The following PPIL3 variants were observed in gnomAD, a reference collection of about 807,000 sequenced individuals.
PPIL3 encodes the protein peptidylprolyl isomerase like 3.
A neutral mutation model predicts 20.9 loss-of-function variants in PPIL3; 13 were observed. The observed-to-expected ratio is 0.62, with a 90% CI of 0.40 to 0.99. The LOEUF is 0.99. PPIL3 is among the 50% of genes least tolerant of loss of function. PPIL3 has a pLI of 0.00. For missense variants in PPIL3, 170 were observed against 195.2 expected (o/e 0.87, Z 0.77); for synonymous variants, 71 against 64.4 (o/e 1.10, Z -0.49).
In PPIL3 at chr2:200,880,409, C is replaced by CTTTTTT. The variant is rs779189285; in HGVS notation, c.240+1006_240+1011dup. 1.8e-3 allele frequency among the ~76,000 whole-genome samples: 234 copies of CTTTTTT among 131,870 alleles called. 14 individuals are homozygous for CTTTTTT. The highest frequency in any genetic ancestry group is 5.6e-3 in the African/African-American group (181 of 32,524). 86.5% of individuals were successfully genotyped at this position (131,870 alleles called of 152,430 possible). A position where few individuals can be genotyped will look rare whatever the true frequency, so the allele number is the denominator to read the frequency against. Reference sequence around the variant, plus strand: ...AAACTGCATATTTTGATTGAGTAGACTTTTTTTTTTTTTTGAGTGGGGTCT... The same window carrying CTTTTTT: ...AAACTGCATATTTTGATTGAGTAGACTTTTTTTTTTTTTTTTTTTTGAGTGGGGTCT... On this transcript the variant is annotated intron_variant, in intron 5 of 6. Coordinates refer to ENST00000392283, the MANE Select transcript of PPIL3 (RefSeq NM_130906.3).
intron 3 of PPIL3, among the ~76,000 whole-genome samples, chr2:200,883,773 T>A (rs2039825008): frequency 6.6e-6 from 1 of 152,126 alleles, no homozygotes; most frequent in Non-Finnish European, 1.5e-5. Context: ...GGTTTCTTGT[T>A]TCGTTTTGAG....
chr2:200,875,271 A>G lies in PPIL3; in HGVS notation c.359+1648T>C, dbSNP rs373541438. 1.8e-3 allele frequency among the ~76,000 whole-genome samples: 272 copies of G among 151,484 alleles called. 2 individuals are homozygous for G. Among genetic ancestry groups the G allele is most frequent in the African/African-American group, 6.2e-3 (256 of 40,978 alleles). ...ATTACTAAGTTCTGGGTCTTCTGGG[A>G]AAGTTTTTTTTTTTTGAGACGGAGT... On this transcript the variant is annotated intron_variant, in intron 6 of 6. Transcript: ENST00000392283.
At position 200,887,698 on chromosome 2, in the gene PPIL3, G is replaced by A; in HGVS notation, c.-70-13C>T. 2 of 1,152,534 alleles carry A rather than the reference G, an allele frequency of 1.7e-6. No homozygotes were observed. Among genetic ancestry groups the A allele is most frequent in the Admixed American group, 2.3e-5 (1 of 43,914 alleles). The allele number at this position is 1,152,534 out of a possible 1,614,324, so 71.4% of individuals were successfully genotyped here. A position where few individuals can be genotyped will look rare whatever the true frequency, so the allele number is the denominator to read the frequency against. The stretch of plus-strand genomic sequence containing the variant: ...CAAAAATAAGTCTCTAGTCCCAAAA[G>A]AAAAAAAGAATTAGGCTCATTTTCC... On this transcript the variant is annotated splice_polypyrimidine_tract_variant and intron_variant, in intron 1 of 6. Coordinates refer to ENST00000392283, the MANE Select transcript of PPIL3 (RefSeq NM_130906.3).
chr2:200,881,301 C>G (rs2039711771), intron 5 of PPIL3, 120 bp downstream of exon 5: 2 of 733,278 alleles, frequency 2.7e-6, no homozygotes, highest in South Asian at 2.1e-5. Context: ...TGTACAAAAA[C>G]TATAAAAAAG....
intron 6 of PPIL3, 65 bp from the exon 7 acceptor site, chr2:200,871,586 G>T: frequency 7.4e-7 from 1 of 1,353,384 alleles, no homozygotes; most frequent in South Asian, 1.3e-5. Context: ...CCATATCTAT[G>T]ACAATTACAG....
intron 6 of PPIL3, among the ~76,000 whole-genome samples, chr2:200,873,719 G>A (rs2105756291): frequency 6.6e-6 from 1 of 151,462 alleles, no homozygotes; most frequent in South Asian, 2.1e-4. Flanking sequence ...GCCCGCCTTG[G>A]CCTCCCAAAG....
Position 200,881,596 on chromosome 2 carries a change from TA to T in PPIL3, c.173-109del, listed in dbSNP as rs2039728174. 6 of 817,290 alleles carry T rather than the reference TA, an allele frequency of 7.3e-6. No homozygotes were observed. In the Admixed American group the frequency reaches 1.4e-4, roughly 19 times the overall value. 50.6% of individuals were successfully genotyped at this position (817,290 alleles called of 1,614,324 possible). A position where few individuals can be genotyped will look rare whatever the true frequency, so the allele number is the denominator to read the frequency against. On this transcript the variant is annotated intron_variant, in intron 4 of 6. Transcript: ENST00000392283. ...TATAGTTTGACTGCTTAAATATAGA[TA>T]AAATTTGATATGGCCTTTCCTAATT...
intron 6 of PPIL3, 66 bp from the exon 7 acceptor site, chr2:200,871,587 A>T: frequency 1.5e-6 from 2 of 1,358,804 alleles, no homozygotes; most frequent in South Asian, 2.7e-5. Context: ...CATATCTATG[A>T]CAATTACAGT....
intron 2 of PPIL3, 76 bp from the exon 3 acceptor site, chr2:200,885,848 G>A (rs2039918461): frequency 7.3e-6 from 6 of 824,286 alleles, no homozygotes; most frequent in African/African-American, 1.7e-5. Flanking sequence ...TCCCTGTGTG[G>A]ATATTCAAGA....
intron 6 of PPIL3, among the ~76,000 whole-genome samples, chr2:200,872,679 G>A (rs531269937): frequency 9.2e-5 from 14 of 152,020 alleles, no homozygotes; most frequent in South Asian, 2.1e-4. Flanking sequence ...TGTCACTCAG[G>A]AAATTGCAAG....
chr2:200,882,559 G>C, intron 3 of PPIL3, 124 bp from the exon 4 acceptor site: 1 of 702,508 alleles, frequency 1.4e-6, no homozygotes, highest in South Asian at 1.5e-5. Context: ...CATTACTTTG[G>C]ATGTCATTTC....
intron 1 of PPIL3, 116 bp from the exon 2 acceptor site, chr2:200,887,801 A>G: frequency 2.2e-6 from 1 of 451,764 alleles, no homozygotes; most frequent in South Asian, 3.9e-5. Flanking sequence ...TCACGCCTAT[A>G]ATCCTAACAC....
At chr2:200,888,052 G>A (rs1311497828) in intron 1 of PPIL3, among the ~76,000 whole-genome samples, 1 of 77,642 alleles carries the variant, frequency 1.3e-5, no homozygotes, top group African/African-American at 8.1e-5. Context: ...GCGAGACTCC[G>A]TCAAAAAAAA....
Position 200,871,261 on chromosome 2 carries a change from A to T in PPIL3, c.*134T>A. The T allele has an allele frequency of 1.1e-6, 1 of 902,718 alleles. No homozygotes were observed. The highest frequency in any genetic ancestry group is 1.6e-6 in the Non-Finnish European group (1 of 621,530). 55.9% of individuals were successfully genotyped at this position (902,718 alleles called of 1,614,324 possible). ...TAAAAGCTGTTGGGCGCCCCTTGGTACCACCATTTCATAGAAGATCATAGT... is the reference window on the plus strand; with the variant it reads ...TAAAAGCTGTTGGGCGCCCCTTGGTTCCACCATTTCATAGAAGATCATAGT... On this transcript the variant is annotated 3_prime_UTR_variant, in exon 7 of 7. Transcript: ENST00000392283.
In PPIL3 at chr2:200,884,513, C is replaced by T. The variant is rs955665787; in HGVS notation, c.78+1185G>A. 7.2e-5 allele frequency among the ~76,000 whole-genome samples: 11 copies of T among 151,934 alleles called. No homozygotes were observed. In the East Asian group the frequency reaches 1.2e-3, roughly 16 times the overall value. ...AATACTTCAGGAAGCTGAGATGGGA[C>T]GATGGCTGGAGACCAGGAGTTCGAG... On this transcript the variant is annotated intron_variant, in intron 3 of 6. Transcript: ENST00000392283.
At chr2:200,881,365 G>A (rs2039715592) in intron 5 of PPIL3, 56 bp downstream of exon 5, 1 of 1,364,070 alleles carries the variant, frequency 7.3e-7, no homozygotes, top group African/African-American at 1.4e-5. Flanking sequence ...ATGTATCAAA[G>A]TTTCCATGCA....
chr2:200,871,214 G>C lies in PPIL3; in HGVS notation c.*181C>G. 1 of 464,086 alleles carries C rather than the reference G, an allele frequency of 2.2e-6. No homozygotes were observed. The allele number at this position is 464,086 out of a possible 1,614,324, so 28.7% of individuals were successfully genotyped here. ...TATGTTGGATAATCATTATAATAAA[G>C]AATATGCTCTAAGAATGGGGATAAA... On this transcript the variant is annotated 3_prime_UTR_variant, in exon 7 of 7. Transcript: ENST00000392283.
At chr2:200,879,435 A>C (rs1273327899) in intron 5 of PPIL3, among the ~76,000 whole-genome samples, 1 of 151,916 alleles carries the variant, frequency 6.6e-6, no homozygotes, top group Non-Finnish European at 1.5e-5. Flanking sequence ...ATGGTTCTTA[A>C]CTCTGCCTGC....
In PPIL3 at chr2:200,879,350, C is replaced by A. The variant is rs1017642377; in HGVS notation, c.240+2071G>T. On this transcript the variant is annotated intron_variant, in intron 5 of 6. Transcript: ENST00000392283. ...TAGCCAGCATGGTCTTGATCTCCTGCCCTCGTGATCCGCCCGCCTCGGCCT... is the reference window on the plus strand; with the variant it reads ...TAGCCAGCATGGTCTTGATCTCCTGACCTCGTGATCCGCCCGCCTCGGCCT... 6.6e-5 allele frequency among the ~76,000 whole-genome samples: 10 copies of A among 152,008 alleles called. No individual in the cohort carries two copies. The South Asian group carries it at 8.3e-4, about 13-fold the overall frequency.
Sources: allele counts gnomAD v4.1 joint callset (sites outside exome capture counted in the v4.1 genomes callset), GRCh38; gene constraint gnomAD v4.1.1; transcripts MANE v1.5; gene names NCBI Gene and HGNC (gene_info 2026-07-23, HGNC 2026-07-21).